The following ADGRV1 variants were observed in gnomAD, a reference collection of about 807,000 sequenced individuals.
The protein encoded by ADGRV1 is G-protein coupled receptor 98.
ADGRV1 carries 359 observed loss-of-function variants against 596.2 expected under a neutral mutation model. The observed-to-expected ratio is 0.60, with a 90% confidence interval of 0.55 to 0.66. The LOEUF is 0.66. ADGRV1 is among the 30% of genes least tolerant of loss of function. The probability of loss-of-function intolerance (pLI) is 0.00; values close to 1 mark genes in which losing one functional copy is unlikely to be tolerated. For missense variants in ADGRV1, 7,274 were observed against 7,575.6 expected, an observed-to-expected ratio of 0.96 and a Z score of 1.48; for synonymous variants, 2,681 against 2,679.2, an observed-to-expected ratio of 1.00 and a Z score of -0.02.
In ADGRV1 at chr5:90,721,519, TAAAATA is replaced by T. The variant is rs1381195637; in HGVS notation, c.9748+476_9748+481del. Among the ~76,000 whole-genome samples, 97 of 52,076 alleles carry T rather than the reference TAAAATA, an allele frequency of 1.9e-3. 4 individuals are homozygous for T. The highest frequency in any genetic ancestry group is 0.015 in the Middle Eastern group (2 of 132). 34.2% of individuals were successfully genotyped at this position (52,076 alleles called of 152,430 possible). On this transcript the variant is annotated intron_variant, in intron 45 of 89. Coordinates refer to ENST00000405460, the MANE Select transcript of ADGRV1 (RefSeq NM_032119.4). ...ACTTGGTCTAAAAAATAAAATAAAA[TAAAATA>T]AAAATAAAAATAAAATAAAATAAAA...
chr5:90,951,052 G>T (rs1777022743), intron 83 of ADGRV1, among the ~76,000 whole-genome samples: 1 of 152,054 alleles, frequency 6.6e-6, no homozygotes, highest in African/African-American at 2.4e-5. Flanking sequence ...AAAACAATAG[G>T]CAAAAGGGAA....
chr5:90,569,375 ATATATATATATATTTTTTTTTTTTTTT>A (rs1756133705), intron 1 of ADGRV1, among the ~76,000 whole-genome samples: 1 of 20,956 alleles, frequency 4.8e-5, no homozygotes, highest in African/African-American at 2.7e-4. Context: ...ATATATATAT[ATATATATATATATTTTTTTTTTTTTTT>A]TTTTTTTTTT....
intron 85 of ADGRV1, among the ~76,000 whole-genome samples, chr5:91,041,567 A>G (rs1785356709): frequency 6.6e-6 from 1 of 151,818 alleles, no homozygotes; most frequent in African/African-American, 2.4e-5. Context: ...GTAAACCACC[A>G]TGGCACATGT....
intron 1 of ADGRV1, among the ~76,000 whole-genome samples, chr5:90,594,927 C>T (rs1295338102): frequency 6.7e-6 from 1 of 149,668 alleles, no homozygotes; most frequent in Non-Finnish European, 1.5e-5. Context: ...TCAATCTTTT[C>T]CCCACCTTTC....
At chr5:91,004,445 A>T (rs962215787) in intron 85 of ADGRV1, among the ~76,000 whole-genome samples, 25 of 152,058 alleles carry the variant, frequency 1.6e-4, no homozygotes, top group Non-Finnish European at 3.4e-4. Context: ...AAAAAAAAAA[A>T]TTTCGTAAAA....
intron 1 of ADGRV1, among the ~76,000 whole-genome samples, chr5:90,614,422 G>T (rs555721753): frequency 6.6e-6 from 1 of 152,118 alleles, no homozygotes; most frequent in South Asian, 2.1e-4. Context: ...TAAAAATTTG[G>T]CTTCAACTGT....
intron 87 of ADGRV1, among the ~76,000 whole-genome samples, chr5:91,104,292 A>G (rs1367708207): frequency 6.6e-6 from 1 of 152,192 alleles, no homozygotes; most frequent in Admixed American, 6.5e-5. Context: ...AGAGATAAAC[A>G]CTTTTCATTT....
intron 87 of ADGRV1, among the ~76,000 whole-genome samples, chr5:91,114,932 C>G (rs1792719796): frequency 6.6e-6 from 1 of 152,122 alleles, no homozygotes; most frequent in African/African-American, 2.4e-5. Flanking sequence ...TCTCCCCAAC[C>G]CTGTCAGATT....
At chr5:90,920,443 T>TA (rs989588027) in intron 83 of ADGRV1, among the ~76,000 whole-genome samples, 1 of 151,756 alleles carries the variant, frequency 6.6e-6, no homozygotes, top group Non-Finnish European at 1.5e-5. Context: ...TTCCTAAATT[T>TA]AAAAAAAAAT....
intron 67 of ADGRV1, among the ~76,000 whole-genome samples, chr5:90,787,241 A>T (rs1759551339): frequency 6.6e-6 from 1 of 152,366 alleles, no homozygotes; most frequent in East Asian, 1.9e-4. Context: ...TGTGAGAGGC[A>T]TACCATTTCA....
chr5:91,115,395 G>A (rs1792762555), intron 87 of ADGRV1, among the ~76,000 whole-genome samples: 1 of 152,176 alleles, frequency 6.6e-6, no homozygotes, highest in South Asian at 2.1e-4. Context: ...CAGATATTTA[G>A]TGGATACCTT....
Position 90,923,781 on chromosome 5 carries a change from GC to G in ADGRV1, c.17857-41628del, listed in dbSNP as rs937705391. 3.6e-5 allele frequency among the ~76,000 whole-genome samples: 4 copies of G among 112,328 alleles called. No individual in the cohort carries two copies. In the East Asian group the frequency reaches 7.1e-4, roughly 20 times the overall value. The allele number at this position is 112,328 out of a possible 152,430, so 73.7% of individuals were successfully genotyped here. A position where few individuals can be genotyped will look rare whatever the true frequency, so the allele number is the denominator to read the frequency against. On this transcript the variant is annotated intron_variant, in intron 83 of 89. Coordinates refer to ENST00000405460, the MANE Select transcript of ADGRV1 (RefSeq NM_032119.4). The stretch of plus-strand genomic sequence containing the variant: ...ATCTCCCAGTGCTATCCCTCCCCCT[GC>G]CCCCCACCCCACCACAGTCCCCAGA...
chr5:91,117,737 A>G (rs1792976977), intron 87 of ADGRV1, among the ~76,000 whole-genome samples: 1 of 152,230 alleles, frequency 6.6e-6, no homozygotes. Flanking sequence ...AGACACAAAT[A>G]ATCACTTCAT....
At chr5:90,983,609 C>G (rs1581706981) in intron 84 of ADGRV1, among the ~76,000 whole-genome samples, 1 of 152,222 alleles carries the variant, frequency 6.6e-6, no homozygotes, top group South Asian at 2.1e-4. Context: ...CCAGCAACAA[C>G]ACTTTACACA....
chr5:91,073,788 A>G (rs10058592), intron 86 of ADGRV1, among the ~76,000 whole-genome samples: 21,199 of 152,150 alleles, frequency 0.14, 1,746 homozygotes, highest in Admixed American at 0.28. Flanking sequence ...GCCTCTGCCT[A>G]TAAGATTCAA....
At chr5:91,051,466 A>G (rs1366258752) in intron 85 of ADGRV1, among the ~76,000 whole-genome samples, 2 of 151,590 alleles carry the variant, frequency 1.3e-5, no homozygotes, top group Non-Finnish European at 1.5e-5. Flanking sequence ...TTTTCTGAGC[A>G]TATTTAAGGT....
At chr5:90,843,730 A>T (rs1765630000) in intron 78 of ADGRV1, among the ~76,000 whole-genome samples, 1 of 152,170 alleles carries the variant, frequency 6.6e-6, no homozygotes. Flanking sequence ...ACAACTAATG[A>T]GTGTGGGGAA....
intron 83 of ADGRV1, among the ~76,000 whole-genome samples, chr5:90,928,961 G>C (rs879740303): frequency 5.8e-3 from 808 of 139,702 alleles, no homozygotes; most frequent in African/African-American, 0.013. Context: ...AGGGGTCAGG[G>C]ACCCACTTGA....
At chr5:90,749,037 C>G (rs1170579905) in intron 52 of ADGRV1, among the ~76,000 whole-genome samples, 1 of 152,178 alleles carries the variant, frequency 6.6e-6, no homozygotes, top group African/African-American at 2.4e-5. Context: ...AACCGACATG[C>G]TCTGCTGTGT....
Sources: allele counts gnomAD v4.1 joint callset (sites outside exome capture counted in the v4.1 genomes callset), GRCh38; gene constraint gnomAD v4.1.1; transcripts MANE v1.5; gene names NCBI Gene and HGNC (gene_info 2026-07-23, HGNC 2026-07-21).